Variants in ASB18 observed in about 807,000 individuals in gnomAD.
ASB18 encodes the protein ankyrin repeat and SOCS box protein 18.
Under a neutral mutation model 33.4 loss-of-function variants are expected in ASB18, and 33 were observed. That is an observed-to-expected ratio of 0.99 (90% CI 0.75 to 1.32). The LOEUF is 1.32. ASB18 is among the 40% of genes most tolerant of loss of function. ASB18 has a pLI of 0.00. For missense variants in ASB18, 694 were observed against 655.5 expected, an observed-to-expected ratio of 1.06 and a Z score of -0.64; for synonymous variants, 295 against 307.6, an observed-to-expected ratio of 0.96 and a Z score of 0.43.
rs942638720 is a variant in ASB18, at chr2:236,238,208, A to T, written c.329-252T>A. Among the ~76,000 whole-genome samples the T allele has an allele frequency of 1.3e-5, 2 of 151,882 alleles. No individual in the cohort carries two copies. Among genetic ancestry groups the T allele is most frequent in the Non-Finnish European group, 2.9e-5 (2 of 68,018 alleles). On this transcript the variant is annotated intron_variant, in intron 2 of 5. Coordinates refer to ENST00000409749, the MANE Select transcript of ASB18 (RefSeq NM_212556.4). This position sits in a 1 kb window ranked among gnomAD's most constrained non-coding sequence, Gnocchi z 5.2. ...TGAAGGCTAAAACCGAGCTAGAGAG[A>T]TGGGGCGCCGGGTATTGAGAAGCAA...
Position 236,253,048 on chromosome 2 carries a change from C to T in ASB18, c.205+11093G>A, listed in dbSNP as rs557062880. 2.0e-5 allele frequency among the ~76,000 whole-genome samples: 3 copies of T among 152,266 alleles called. No individual in the cohort carries two copies. Among genetic ancestry groups the T allele is most frequent in the Non-Finnish European group, 2.9e-5 (2 of 68,016 alleles). Reference sequence around the variant, plus strand: ...GGTCAGCCAAGGCATGGTTAGGTGGCGTCAAGGATCCCCACCGTCCTCGCC... The same window carrying T: ...GGTCAGCCAAGGCATGGTTAGGTGGTGTCAAGGATCCCCACCGTCCTCGCC... On this transcript the variant is annotated intron_variant, in intron 1 of 5. Coordinates refer to ENST00000409749, the MANE Select transcript of ASB18 (RefSeq NM_212556.4). This position sits in a 1 kb window ranked among gnomAD's most constrained non-coding sequence, Gnocchi z 5.4.
rs74556889 is a variant in ASB18, at chr2:236,215,624, G to T, written c.597-758C>A. Among the ~76,000 whole-genome samples the T allele has an allele frequency of 6.6e-6, 1 of 152,076 alleles. No homozygotes were observed. The highest frequency in any genetic ancestry group is 1.5e-5 in the Non-Finnish European group (1 of 68,010). ...GACTGTCCTCTACCCCAGGCACCAG[G>T]CTTCCTCAGAGCCTCTCCCATCCCC... On this transcript the variant is annotated intron_variant, in intron 3 of 5. Transcript: ENST00000409749. The surrounding 1 kb of genome is among the most constrained non-coding windows in gnomAD (Gnocchi z 7.2).
rs2060521435 is a variant in ASB18 at position 236,223,327 on chromosome 2, A to G, written c.597-8461T>C. On this transcript the variant is annotated intron_variant, in intron 3 of 5. Coordinates refer to ENST00000409749, the MANE Select transcript of ASB18 (RefSeq NM_212556.4). This position sits in a 1 kb window ranked among gnomAD's most constrained non-coding sequence, Gnocchi z 4.6. ...GTGTGCCTTCCTCAGTAAGGCATGC[A>G]TAACATTTCTTTCTCTTTCTCTCAT... Among the ~76,000 whole-genome samples, 1 of 152,236 alleles carries G rather than the reference A, an allele frequency of 6.6e-6. No homozygotes were observed. The highest frequency in any genetic ancestry group is 6.5e-5 in the Admixed American group (1 of 15,286).
At chr2:236,227,983 T>C (rs2060548281) in intron 3 of ASB18, among the ~76,000 whole-genome samples, 1 of 152,268 alleles carries the variant, frequency 6.6e-6, no homozygotes, top group African/African-American at 2.4e-5. Context: ...GGTGATTGAA[T>C]GCTTGCAGGA....
At chr2:236,212,324 C>T (rs973508182) in intron 4 of ASB18, among the ~76,000 whole-genome samples, 3 of 152,164 alleles carry the variant, frequency 2.0e-5, no homozygotes, top group Admixed American at 1.3e-4. Flanking sequence ...TCCTGCATCT[C>T]TAGTCAAGGC....
At chr2:236,206,589 T>G (rs1469426431) in intron 4 of ASB18, among the ~76,000 whole-genome samples, 1 of 152,208 alleles carries the variant, frequency 6.6e-6, no homozygotes, top group East Asian at 1.9e-4. Context: ...CTTACTGTTA[T>G]ATGAGATAAA....
chr2:236,202,539 G>A (rs62189443), intron 4 of ASB18, among the ~76,000 whole-genome samples: 14,239 of 151,774 alleles, frequency 0.094, 863 homozygotes, highest in Middle Eastern at 0.2. Flanking sequence ...TATCAACCTA[G>A]GCCTCATGCA....
chr2:236,233,095 G>A (rs2060574023), intron 3 of ASB18, among the ~76,000 whole-genome samples: 1 of 152,050 alleles, frequency 6.6e-6, no homozygotes, highest in Admixed American at 6.6e-5. Flanking sequence ...AACTCCTCAT[G>A]ATCAAGTGTG....
intron 4 of ASB18, among the ~76,000 whole-genome samples, chr2:236,198,843 AT>A (rs1030478979): frequency 1.3e-5 from 2 of 151,734 alleles, no homozygotes; most frequent in Non-Finnish European, 2.9e-5. Context: ...AAATAATGAT[AT>A]TTTTTTCTCC....
Position 236,194,068 on chromosome 2 carries a change from TATGA to T in ASB18, c.*800_*803del, listed in dbSNP as rs148040196. Among the ~76,000 whole-genome samples, 2,877 of 151,826 alleles carry T rather than the reference TATGA, an allele frequency of 0.019. 92 individuals carry two copies. Among genetic ancestry groups the T allele is most frequent in the Middle Eastern group, 0.061 (18 of 294 alleles). On this transcript the variant is annotated 3_prime_UTR_variant, in exon 6 of 6. Coordinates refer to ENST00000409749, the MANE Select transcript of ASB18 (RefSeq NM_212556.4). This position sits in a 1 kb window ranked among gnomAD's most constrained non-coding sequence, Gnocchi z 4.5. ...CTGAACTAGAATAAGCACATTAGAA[TATGA>T]ATGAATGAATGAATGAATGAATACA...
At position 236,214,733 on chromosome 2, in the gene ASB18, G is replaced by A. The variant is rs2060477824; in HGVS notation, c.730C>T (p.His244Tyr). The A allele has an allele frequency of 8.6e-7, 1 of 1,163,738 alleles. No individual in the cohort carries two copies. The highest frequency in any genetic ancestry group is 1.1e-6 in the Non-Finnish European group (1 of 945,198). 72.1% of individuals were successfully genotyped at this position (1,163,738 alleles called of 1,614,324 possible). A position where few individuals can be genotyped will look rare whatever the true frequency, so the allele number is the denominator to read the frequency against. Reference sequence around the variant, plus strand: ...CCGCGGCCGTTCCTCGCGTCCACGTGCGCCCCGCGGCCCAGGTACAGGCGC... The same window carrying A: ...CCGCGGCCGTTCCTCGCGTCCACGTACGCCCCGCGGCCCAGGTACAGGCGC... ...HARLYLGRGA[H>Y]VDARNGRGET... is the part of the protein sequence containing the mutation. The change falls in exon 4 of 6, where the codon CAC becomes TAC. Residue 244 changes from histidine (H) to tyrosine (Y), a missense_variant. His to Tyr is a moderately conservative substitution (Grantham distance 83). Transcript: ENST00000409749. This position sits in a 1 kb window ranked among gnomAD's most constrained non-coding sequence, Gnocchi z 6.5.
chr2:236,194,949 CA>C lies in ASB18; in HGVS notation c.1323del (p.Phe441LeufsTer103). On this transcript the variant is annotated frameshift_variant, in exon 6 of 6. Transcript: ENST00000409749. LOFTEE classifies it high-confidence loss of function. This position sits in a 1 kb window ranked among gnomAD's most constrained non-coding sequence, Gnocchi z 4.5. ...GGCAAGGGTAACAGGGGGATGAGGTCAAAGCACCTTTTGCCAAACAGTCTGC... is the reference window on the plus strand; with the variant it reads ...GGCAAGGGTAACAGGGGGATGAGGTCAAGCACCTTTTGCCAAACAGTCTGC... ...ALRRLFGKRC[F>X]DLIPLLPLPK... 4 of 1,613,894 alleles carry C rather than the reference CA, an allele frequency of 2.5e-6. No individual in the cohort carries two copies. In the Middle Eastern group the frequency reaches 4.9e-4, roughly 200 times the overall value.
intron 3 of ASB18, among the ~76,000 whole-genome samples, chr2:236,236,847 C>G (rs1179707055): frequency 6.6e-6 from 1 of 152,320 alleles, no homozygotes; most frequent in South Asian, 2.1e-4. Flanking sequence ...CCCCCAGAGA[C>G]AGAAGGCCAT....
intron 4 of ASB18, among the ~76,000 whole-genome samples, chr2:236,197,702 A>C (rs2060380862): frequency 6.6e-6 from 1 of 152,140 alleles, no homozygotes; most frequent in South Asian, 2.1e-4. Flanking sequence ...CATGCCTGTA[A>C]TCCCAGCTAC....
chr2:236,250,249 C>G lies in ASB18; in HGVS notation c.206-8847G>C, dbSNP rs1176699990. On this transcript the variant is annotated intron_variant, in intron 1 of 5. Coordinates refer to ENST00000409749, the MANE Select transcript of ASB18 (RefSeq NM_212556.4). This position sits in a 1 kb window ranked among gnomAD's most constrained non-coding sequence, Gnocchi z 4.1. ...ATCCAGCTGAGGCTGAAACCTGGAG[C>G]TGGTGGGCTTTGTGGCAGGGCCAGG... The G allele has an allele frequency of 6.6e-6, 1 of 152,234 alleles. No homozygotes were observed. Among genetic ancestry groups the G allele is most frequent in the African/African-American group, 2.4e-5 (1 of 41,460 alleles). The allele number at this position is 152,234 out of a possible 1,614,324, so 9.4% of individuals were successfully genotyped here.
At chr2:236,246,540 A>G (rs886199008) in intron 1 of ASB18, among the ~76,000 whole-genome samples, 8 of 152,026 alleles carry the variant, frequency 5.3e-5, no homozygotes, top group African/African-American at 1.9e-4. Context: ...CTGTGTGCCT[A>G]GGACCCTGCT....
At position 236,209,692 on chromosome 2, in the gene ASB18, G is replaced by T. The variant is rs1266150834; in HGVS notation, c.1101+4670C>A. Among the ~76,000 whole-genome samples the T allele has an allele frequency of 2.0e-5, 3 of 152,206 alleles. No homozygotes were observed. Among genetic ancestry groups the T allele is most frequent in the Non-Finnish European group, 2.9e-5 (2 of 68,034 alleles). On this transcript the variant is annotated intron_variant, in intron 4 of 5. Coordinates refer to ENST00000409749, the MANE Select transcript of ASB18 (RefSeq NM_212556.4). This position sits in a 1 kb window ranked among gnomAD's most constrained non-coding sequence, Gnocchi z 4.4. ...TGGTGTGTTCTCTACGTCGAGCTTA[G>T]AAATTCCAAAATACTGATTGGATGA... is the stretch of plus-strand genomic sequence containing the variant.
Position 236,263,890 on chromosome 2 carries a change from A to G in ASB18, c.205+251T>C, listed in dbSNP as rs959850263. On this transcript the variant is annotated intron_variant, in intron 1 of 5. Transcript: ENST00000409749. This position sits in a 1 kb window ranked among gnomAD's most constrained non-coding sequence, Gnocchi z 4.0. Reference sequence around the variant, plus strand: ...ACGCAAATGGACAGGCTTGGAAAACAATGGAGCCACAGAGCAGCCACTGTG... The same window carrying G: ...ACGCAAATGGACAGGCTTGGAAAACGATGGAGCCACAGAGCAGCCACTGTG... 4.6e-5 allele frequency among the ~76,000 whole-genome samples: 7 copies of G among 152,210 alleles called. No homozygotes were observed. Among genetic ancestry groups the G allele is most frequent in the African/African-American group, 1.7e-4 (7 of 41,438 alleles).
intron 3 of ASB18, among the ~76,000 whole-genome samples, chr2:236,218,464 C>A (rs965743062): frequency 6.6e-6 from 1 of 152,124 alleles, no homozygotes; most frequent in Non-Finnish European, 1.5e-5. Context: ...TGTACAGTCC[C>A]ATTTTGAAAA....
Sources: allele counts gnomAD v4.1 joint callset (sites outside exome capture counted in the v4.1 genomes callset), GRCh38; gene constraint gnomAD v4.1.1; non-coding constraint Gnocchi (gnomAD v3.1); transcripts MANE v1.5; gene names NCBI Gene and HGNC (gene_info 2026-07-23, HGNC 2026-07-21).